The following ADAMTSL1 variants were observed in gnomAD, a reference collection of about 807,000 sequenced individuals.
ADAMTSL1 encodes the protein ADAMTS-like protein 1.
In ADAMTSL1, 126 loss-of-function variants were observed where a neutral mutation model predicts 201.8. The observed-to-expected ratio is 0.62, with a 90% CI of 0.54 to 0.72. The LOEUF is 0.72. Ranked by LOEUF, ADAMTSL1 falls within the 30% of genes least tolerant of loss-of-function variation. The pLI, the probability that ADAMTSL1 is intolerant of heterozygous loss-of-function variation, is 0.00. For missense variants in ADAMTSL1, 2,679 were observed against 2,277.8 expected (o/e 1.18, Z -3.59); for synonymous variants, 1,121 against 903.4 (o/e 1.24, Z -4.32).
chr9:18,637,336 C>G (rs1389941641), intron 6 of ADAMTSL1, among the ~76,000 whole-genome samples: 2 of 152,136 alleles, frequency 1.3e-5, no homozygotes, highest in African/African-American at 4.8e-5. Context: ...CTCCACTCAA[C>G]TAACTCTCCA....
At chr9:18,320,082 C>T (rs1040514619) in intron 2 of ADAMTSL1, among the ~76,000 whole-genome samples, 1 of 151,982 alleles carries the variant, frequency 6.6e-6, no homozygotes, top group Non-Finnish European at 1.5e-5. Flanking sequence ...GAGACAGGGA[C>T]GTTCATCCTG....
At chr9:18,563,378 C>T (rs1170677898) in intron 3 of ADAMTSL1, among the ~76,000 whole-genome samples, 2 of 152,186 alleles carry the variant, frequency 1.3e-5, no homozygotes, top group African/African-American at 4.8e-5. Context: ...GTTGCTTCCT[C>T]TGGAAGCTTC....
intron 1 of ADAMTSL1, among the ~76,000 whole-genome samples, chr9:18,129,587 A>C (rs939454145): frequency 2.6e-5 from 4 of 152,208 alleles, no homozygotes; most frequent in Admixed American, 6.5e-5. Context: ...CCCATAAGCA[A>C]TAAGACATAA....
intron 19 of ADAMTSL1, chr9:18,793,274 T>G (rs1005681527): frequency 1.3e-5 from 2 of 152,190 alleles, no homozygotes; most frequent in Non-Finnish European, 2.9e-5. Context: ...GAATAAGCAA[T>G]GTAGTAGGCC....
At chr9:18,887,174 C>T (rs985447171) in intron 23 of ADAMTSL1, among the ~76,000 whole-genome samples, 2 of 152,134 alleles carry the variant, frequency 1.3e-5, no homozygotes, top group South Asian at 2.1e-4. Context: ...TTTATCTTAC[C>T]GATTCTATGC....
intron 16 of ADAMTSL1, among the ~76,000 whole-genome samples, chr9:18,770,252 C>T (rs1820614452): frequency 6.6e-6 from 1 of 152,178 alleles, no homozygotes; most frequent in Admixed American, 6.5e-5. Flanking sequence ...AGATTATTTT[C>T]CCTGGATCGT....
chr9:17,976,193 T>C (rs1409198803), intron 1 of ADAMTSL1, among the ~76,000 whole-genome samples: 1 of 151,794 alleles, frequency 6.6e-6, no homozygotes, highest in Non-Finnish European at 1.5e-5. Context: ...AAGATCGCTT[T>C]AGCTATTTGG....
intron 2 of ADAMTSL1, among the ~76,000 whole-genome samples, chr9:18,203,724 GA>G (rs1200828702): frequency 1.3e-5 from 2 of 152,270 alleles, no homozygotes; most frequent in East Asian, 3.9e-4. Flanking sequence ...AGACTATCTG[GA>G]AAGGTAAGAC....
intron 13 of ADAMTSL1, among the ~76,000 whole-genome samples, chr9:18,702,746 T>C (rs1435386655): frequency 1.3e-5 from 2 of 152,116 alleles, no homozygotes; most frequent in African/African-American, 2.4e-5. Context: ...CATCCAACAG[T>C]AGTGTTGCTA....
intron 23 of ADAMTSL1, among the ~76,000 whole-genome samples, chr9:18,846,881 G>C (rs534361449): frequency 6.6e-6 from 1 of 152,170 alleles, no homozygotes; most frequent in African/African-American, 2.4e-5. Flanking sequence ...AAAGACATCA[G>C]ATTTGGGGGG....
At chr9:17,967,114 G>C (rs1360430967) in intron 1 of ADAMTSL1, among the ~76,000 whole-genome samples, 2 of 152,032 alleles carry the variant, frequency 1.3e-5, no homozygotes, top group Non-Finnish European at 2.9e-5. Flanking sequence ...GGCACTAAAG[G>C]TAGCATTATT....
At chr9:18,150,944 T>A (rs1826881297) in intron 1 of ADAMTSL1, among the ~76,000 whole-genome samples, 2 of 151,556 alleles carry the variant, frequency 1.3e-5, no homozygotes, top group South Asian at 4.2e-4. Context: ...GACATATGCA[T>A]AGAAGGAAAG....
At chr9:18,479,422 T>C (rs1015710061) in intron 1 of ADAMTSL1, among the ~76,000 whole-genome samples, 1 of 152,216 alleles carries the variant, frequency 6.6e-6, no homozygotes, top group African/African-American at 2.4e-5. Flanking sequence ...GAGAAATATA[T>C]TTTATCTCAT....
chr9:18,560,521 T>G lies in ADAMTSL1; in HGVS notation c.238-13509T>G, dbSNP rs577703224. Among the ~76,000 whole-genome samples the G allele has an allele frequency of 4.6e-5, 7 of 152,304 alleles. No homozygotes were observed. The South Asian group carries it at 1.5e-3, about 32-fold the overall frequency. ...CTTTGGTATCAGGATGATGCAGGCC[T>G]CATAAAATGAGTTAGGGAGGAGTCC... On this transcript the variant is annotated intron_variant, in intron 3 of 28. Transcript: ENST00000380548.
chr9:18,288,676 G>C (rs1833121891), intron 2 of ADAMTSL1, among the ~76,000 whole-genome samples: 1 of 152,148 alleles, frequency 6.6e-6, no homozygotes. Context: ...AAGAAAAAAA[G>C]AAAAGAAAGT....
At chr9:18,412,839 T>A (rs1177683462) in intron 2 of ADAMTSL1, among the ~76,000 whole-genome samples, 1 of 152,226 alleles carries the variant, frequency 6.6e-6, no homozygotes. Context: ...TCTTGTTTTC[T>A]TGCCTTTATC....
chr9:18,016,185 T>C (rs1347354652), intron 1 of ADAMTSL1, among the ~76,000 whole-genome samples: 1 of 152,044 alleles, frequency 6.6e-6, no homozygotes, highest in Non-Finnish European at 1.5e-5. Flanking sequence ...TGCCTTTTCT[T>C]TCTAGTGAAA....
At position 18,390,971 on chromosome 9, in the gene ADAMTSL1, T is replaced by G. The variant is rs545182725; in HGVS notation, c.208-113858T>G. On this transcript the variant is annotated intron_variant, in intron 2 of 29. Coordinates refer to the ADAMTSL1 transcript ENST00000680146. The stretch of plus-strand genomic sequence containing the variant: ...TGTTAATTTGTTTATGGTTGTTAAC[T>G]ATAGGCTGGATGTTGGGGTCATCTA... Among the ~76,000 whole-genome samples, 8 of 152,314 alleles carry G rather than the reference T, an allele frequency of 5.3e-5. No individual in the cohort carries two copies. The East Asian group carries it at 1.5e-3, about 29-fold the overall frequency.
intron 2 of ADAMTSL1, among the ~76,000 whole-genome samples, chr9:18,421,668 G>A (rs777611260): frequency 1.3e-5 from 2 of 152,070 alleles, no homozygotes; most frequent in Non-Finnish European, 2.9e-5. Flanking sequence ...ACCAGAAACC[G>A]GGAAACATAG....
Sources: gnomAD v4.1 joint callset for allele counts (sites outside exome capture counted in the v4.1 genomes callset) on GRCh38, gnomAD v4.1.1 for gene constraint, MANE v1.5 for transcripts, NCBI Gene and HGNC (gene_info 2026-07-23, HGNC 2026-07-21) for gene names.